The following CSMD3 variants were observed in gnomAD, a reference collection of about 807,000 sequenced individuals.
The protein encoded by CSMD3 is CUB and sushi domain-containing protein 3.
A neutral mutation model predicts 435.2 loss-of-function variants in CSMD3; 177 were observed. The ratio of observed to expected loss-of-function variants is 0.41; its 90% CI spans 0.36 to 0.46. The LOEUF is 0.46. CSMD3 is among the 20% of genes least tolerant of loss of function. The probability of loss-of-function intolerance (pLI) is 0.34; values close to 1 mark genes in which losing one functional copy is unlikely to be tolerated. For missense variants in CSMD3, 4,265 were observed against 4,504.6 expected, an observed-to-expected ratio of 0.95 and a Z score of 1.52; for synonymous variants, 1,656 against 1,520.5, an observed-to-expected ratio of 1.09 and a Z score of -2.07.
At chr8:112,779,019 G>T (rs184288924) in intron 13 of CSMD3, among the ~76,000 whole-genome samples, 4 of 151,760 alleles carry the variant, frequency 2.6e-5, no homozygotes, top group Admixed American at 2.6e-4. Context: ...TTTTAAATAA[G>T]GTTGGTCATT....
chr8:112,649,443 T>G (rs2075065742), intron 19 of CSMD3, among the ~76,000 whole-genome samples: 1 of 152,278 alleles, frequency 6.6e-6, no homozygotes, highest in South Asian at 2.1e-4. Flanking sequence ...CTTCAAGAAA[T>G]AGTAAGTGTA....
rs1378724526 is a variant in CSMD3 at position 112,231,724 on chromosome 8, A to C, written c.10741-92T>G. The C allele has an allele frequency of 8.3e-6, 7 of 844,752 alleles. No homozygotes were observed. In the Admixed American group the frequency reaches 1.3e-4, roughly 15 times the overall value. 52.3% of individuals were successfully genotyped at this position (844,752 alleles called of 1,614,324 possible). On this transcript the variant is annotated intron_variant, in intron 68 of 70. Transcript: ENST00000297405. ...AAATACACAATTTTATTCTGAAAGA[A>C]ATATTATCACAAGTTCCTTTCTTCT...
intron 27 of CSMD3, among the ~76,000 whole-genome samples, chr8:112,536,414 T>A (rs926156843): frequency 1.3e-5 from 2 of 152,086 alleles, no homozygotes; most frequent in Non-Finnish European, 2.9e-5. Context: ...AAAAACCACA[T>A]GAAAAAATGC....
intron 1 of CSMD3, among the ~76,000 whole-genome samples, chr8:113,406,929 C>A (rs767544467): frequency 5.9e-5 from 9 of 152,026 alleles, no homozygotes; most frequent in African/African-American, 2.2e-4. Flanking sequence ...TGGTAGCCTG[C>A]ATAATGGTCT....
chr8:112,242,884 G>A (rs963028777), intron 65 of CSMD3, among the ~76,000 whole-genome samples: 2 of 152,030 alleles, frequency 1.3e-5, no homozygotes, highest in African/African-American at 4.8e-5. Context: ...TGGTTTGAAT[G>A]ACATCACCTA....
intron 28 of CSMD3, among the ~76,000 whole-genome samples, chr8:112,513,446 ATATT>A (rs1362705314): frequency 2.0e-5 from 3 of 152,196 alleles, no homozygotes; most frequent in Non-Finnish European, 4.4e-5. Context: ...CTCAAAACAC[ATATT>A]TATTGGTTAA....
chr8:112,658,474 T>A (rs559124540), intron 17 of CSMD3, among the ~76,000 whole-genome samples: 1 of 152,310 alleles, frequency 6.6e-6, no homozygotes, highest in African/African-American at 2.4e-5. Flanking sequence ...AATTTAATAC[T>A]GTTCAGGAAG....
At chr8:113,385,536 A>C (rs7828293) in intron 1 of CSMD3, among the ~76,000 whole-genome samples, 1 of 151,826 alleles carries the variant, frequency 6.6e-6, no homozygotes, top group Non-Finnish European at 1.5e-5. Flanking sequence ...GGTGCTGAAT[A>C]AACCTTGCGC....
At chr8:112,526,962 A>G (rs910799619) in intron 27 of CSMD3, among the ~76,000 whole-genome samples, 1 of 151,992 alleles carries the variant, frequency 6.6e-6, no homozygotes, top group Admixed American at 6.6e-5. Flanking sequence ...CAAGAGTTAG[A>G]GCAAATGCTT....
chr8:113,379,299 C>A (rs1402518352), intron 1 of CSMD3, among the ~76,000 whole-genome samples: 2 of 151,576 alleles, frequency 1.3e-5, no homozygotes, highest in Admixed American at 1.3e-4. Context: ...TTAAAAAAAA[C>A]ACACACACAC....
chr8:113,409,009 G>A (rs563839877), intron 1 of CSMD3, among the ~76,000 whole-genome samples: 11 of 151,262 alleles, frequency 7.3e-5, no homozygotes, highest in East Asian at 1.9e-4. Context: ...AGAGTTTCTC[G>A]GCCCATAGCC....
At chr8:113,290,844 G>A (rs1006854265) in intron 2 of CSMD3, among the ~76,000 whole-genome samples, 2 of 150,948 alleles carry the variant, frequency 1.3e-5, no homozygotes, top group Non-Finnish European at 3.0e-5. Flanking sequence ...ATAATCATAG[G>A]CCATATTCTA....
chr8:113,344,062 T>C (rs539318684), intron 1 of CSMD3, among the ~76,000 whole-genome samples: 4 of 152,294 alleles, frequency 2.6e-5, no homozygotes, highest in African/African-American at 9.6e-5. Flanking sequence ...CTACATTCTA[T>C]ATTAGTGTTT....
chr8:112,661,326 T>C (rs901075423), intron 17 of CSMD3, among the ~76,000 whole-genome samples: 5 of 152,164 alleles, frequency 3.3e-5, no homozygotes, highest in Admixed American at 6.5e-5. Flanking sequence ...TGAATTCATT[T>C]GGAGAATTCT....
At chr8:112,523,819 C>T (rs1653108480) in intron 27 of CSMD3, among the ~76,000 whole-genome samples, 1 of 151,988 alleles carries the variant, frequency 6.6e-6, no homozygotes, top group African/African-American at 2.4e-5. Context: ...AGAAATGTGG[C>T]TATCTTTAGA....
chr8:113,249,579 G>A (rs2093315004), intron 3 of CSMD3, among the ~76,000 whole-genome samples: 1 of 151,886 alleles, frequency 6.6e-6, no homozygotes, highest in South Asian at 2.1e-4. Flanking sequence ...ATATATACTA[G>A]TACTTACCCA....
chr8:112,289,620 C>T (rs2130659567), intron 56 of CSMD3, 82 bp from the exon 57 acceptor site: 1 of 894,128 alleles, frequency 1.1e-6, no homozygotes. Flanking sequence ...TAGAACATAC[C>T]AGAAGTAAAT....
At chr8:112,252,153 T>C (rs1033716892) in intron 63 of CSMD3, among the ~76,000 whole-genome samples, 2 of 151,858 alleles carry the variant, frequency 1.3e-5, no homozygotes, top group Non-Finnish European at 2.9e-5. Context: ...TTCCCAAAAA[T>C]GGGCTTCCTA....
intron 4 of CSMD3, among the ~76,000 whole-genome samples, chr8:113,156,934 A>AG (rs2091945403): frequency 6.8e-6 from 1 of 147,780 alleles, no homozygotes; most frequent in African/African-American, 2.5e-5. Flanking sequence ...TTTGTCTCAA[A>AG]AGAGAGAGAG....
Sources: gnomAD v4.1 joint callset for allele counts (sites outside exome capture counted in the v4.1 genomes callset) on GRCh38, gnomAD v4.1.1 for gene constraint, MANE v1.5 for transcripts, NCBI Gene and HGNC (gene_info 2026-07-23, HGNC 2026-07-21) for gene names.